The following COL5A1 variants were observed in gnomAD, a reference collection of about 807,000 sequenced individuals.
The protein encoded by COL5A1 is collagen type V alpha 1 chain.
In COL5A1, 16 loss-of-function variants were observed where a neutral mutation model predicts 263.7. That is an observed-to-expected ratio of 0.06 (90% confidence interval 0.04 to 0.09). The LOEUF (loss-of-function observed/expected upper bound fraction) is 0.09, where lower values mean the gene tolerates loss of function less well. COL5A1 is among the 10% of genes least tolerant of loss of function. The pLI is 1.00. For missense variants in COL5A1, 2,036 were observed against 2,540.5 expected (o/e 0.80, Z 4.27); for synonymous variants, 1,012 against 1,004.5 (o/e 1.01, Z -0.14).
Position 134,801,240 on chromosome 9 carries a change from C to T in COL5A1, c.2953-714C>T, listed in dbSNP as rs188401207. Among the ~76,000 whole-genome samples, 441 of 152,368 alleles carry T rather than the reference C, an allele frequency of 2.9e-3. 4 individuals carry two copies. Among genetic ancestry groups the T allele is most frequent in the Middle Eastern group, 0.017 (5 of 294 alleles). On this transcript the variant is annotated intron_variant, in intron 37 of 65. Coordinates refer to ENST00000371817, the MANE Select transcript of COL5A1 (RefSeq NM_000093.5). ...GAAAGCAGCTGGCCCTCGCTCTTGC[C>T]TGTTTTAAATACATGCTGAGGAGCA...
intron 63 of COL5A1, among the ~76,000 whole-genome samples, chr9:134,828,901 CACACAGCAT>C (rs1187853325): frequency 6.1e-5 from 9 of 147,968 alleles, no homozygotes; most frequent in Non-Finnish European, 1.5e-5. Context: ...TTATACCACA[CACACAGCAT>C]ACACAGATAC....
chr9:134,746,859 G>A (rs966316922), intron 11 of COL5A1, among the ~76,000 whole-genome samples: 1 of 152,242 alleles, frequency 6.6e-6, no homozygotes, highest in Non-Finnish European at 1.5e-5. Context: ...CCTGTGTGTG[G>A]GCCTGCTGGA....
rs531014737 is a variant in COL5A1 at position 134,836,452 on chromosome 9, A to G, written c.5370+1248A>G. On this transcript the variant is annotated intron_variant, in intron 65 of 65. Transcript: ENST00000371817. ...AACACTGGGACCACATTTCAACCTG[A>G]GATTTGGAAGGGATGAAGGTCCAAG... Among the ~76,000 whole-genome samples, 28 of 152,204 alleles carry G rather than the reference A, an allele frequency of 1.8e-4. No individual in the cohort carries two copies. The South Asian group carries it at 5.8e-3, about 32-fold the overall frequency.
rs191425090 is a variant in COL5A1, at chr9:134,724,715, C to T, written c.655-2551C>T. Among the ~76,000 whole-genome samples the T allele has an allele frequency of 3.4e-3, 522 of 152,308 alleles. 3 individuals are homozygous for T. The highest frequency in any genetic ancestry group is 6.8e-3 in the Middle Eastern group (2 of 294). ...ACTCGCCAGGGTCAGAAGTACACAG[C>T]GCAAAGCCACGTCACAGCCACCGCG... is the stretch of plus-strand genomic sequence containing the variant. On this transcript the variant is annotated intron_variant, in intron 4 of 65. Transcript: ENST00000371817.
intron 42 of COL5A1, among the ~76,000 whole-genome samples, chr9:134,808,777 C>T (rs571408036): frequency 1.3e-5 from 2 of 152,238 alleles, no homozygotes; most frequent in Non-Finnish European, 2.9e-5. Context: ...TGTAAAGAAT[C>T]AGAAAGCTGG....
At chr9:134,732,455 C>T (rs375585146) in intron 9 of COL5A1, 24 of 503,742 alleles carry the variant, frequency 4.8e-5, no homozygotes, top group East Asian at 3.6e-4. Context: ...GAGGCGGAGG[C>T]GGAGTCCCCT....
chr9:134,813,880 G>C (rs1838635801), intron 48 of COL5A1, 103 bp from the exon 49 acceptor site: 13 of 1,320,252 alleles, frequency 9.8e-6, no homozygotes, highest in African/African-American at 2.9e-5. Flanking sequence ...GGGTGCCCAG[G>C]GGCAGGCAGA....
At position 134,749,651 on chromosome 9, in the gene COL5A1, C is replaced by G. The variant is rs548793535; in HGVS notation, c.1495-891C>G. Among the ~76,000 whole-genome samples the G allele has an allele frequency of 3.3e-5, 5 of 152,268 alleles. No homozygotes were observed. The South Asian group carries it at 1.0e-3, about 32-fold the overall frequency. On this transcript the variant is annotated intron_variant, in intron 11 of 65. Transcript: ENST00000371817. ...ATGCTCAGTGTAGCTGTTGCTGATT[C>G]GGAAGACTGCAGCCAGCACCCATCC... is the stretch of plus-strand genomic sequence containing the variant.
chr9:134,800,034 A>G (rs760137811), intron 37 of COL5A1, among the ~76,000 whole-genome samples: 3 of 152,168 alleles, frequency 2.0e-5, no homozygotes, highest in South Asian at 4.1e-4. Context: ...CATCTCCTCC[A>G]TGGGCTAGTC....
rs1052757259 is a variant in COL5A1 at position 134,682,848 on chromosome 9, G to C, written c.110-8064G>C. Among the ~76,000 whole-genome samples the C allele has an allele frequency of 6.6e-6, 1 of 152,174 alleles. No homozygotes were observed. Among genetic ancestry groups the C allele is most frequent in the Non-Finnish European group, 1.5e-5 (1 of 68,014 alleles). ...TCGCAAATGCCCAGCCTTTGGGAGC[G>C]GGGACTGCGGCCAGCACATCATCCG... is the stretch of plus-strand genomic sequence containing the variant. On this transcript the variant is annotated intron_variant, in intron 1 of 65. Transcript: ENST00000371817. The surrounding 1 kb of genome is among the most constrained non-coding windows in gnomAD (Gnocchi z 5.1).
intron 11 of COL5A1, among the ~76,000 whole-genome samples, chr9:134,749,232 C>T (rs1835686507): frequency 6.6e-6 from 1 of 152,130 alleles, no homozygotes; most frequent in Admixed American, 6.5e-5. Flanking sequence ...GAGACTCTGT[C>T]TCAAAACAAA....
intron 25 of COL5A1, among the ~76,000 whole-genome samples, chr9:134,770,066 T>C (rs1836821486): frequency 1.3e-5 from 2 of 152,292 alleles, no homozygotes; most frequent in Middle Eastern, 3.4e-3. Flanking sequence ...AATGTGAGCG[T>C]AGGTGGACCC....
intron 13 of COL5A1, among the ~76,000 whole-genome samples, chr9:134,752,330 A>C (rs1835810598): frequency 6.6e-6 from 1 of 151,644 alleles, no homozygotes; most frequent in Non-Finnish European, 1.5e-5. Context: ...GATGGGGCCT[A>C]TCCCCCAAGG....
chr9:134,752,013 A>G (rs1294697409), intron 13 of COL5A1, among the ~76,000 whole-genome samples: 4 of 152,230 alleles, frequency 2.6e-5, no homozygotes, highest in African/African-American at 7.2e-5. Context: ...GGCATCTGCC[A>G]GGGAAACAGA....
chr9:134,815,550 G>A (rs1456715138), intron 50 of COL5A1, 26 bp from the exon 51 acceptor site: 2 of 1,610,760 alleles, frequency 1.2e-6, no homozygotes, highest in East Asian at 2.2e-5. Flanking sequence ...GATGGCCTTG[G>A]CTGCTTCCTT....
At chr9:134,685,091 C>T (rs1832979189) in intron 1 of COL5A1, among the ~76,000 whole-genome samples, 2 of 147,644 alleles carry the variant, frequency 1.4e-5, no homozygotes, top group East Asian at 2.1e-4. Context: ...CACCCACCAT[C>T]CATCCATCCA....
chr9:134,817,026 G>A lies in COL5A1; in HGVS notation c.4123G>A (p.Gly1375Arg). ...KGDDGEPGQT[G>R]SPGPTGEPGP... ...ACTCTGTTCTTTCTCCCAATACCAG[G>A]GATCCCCCGGCCCTACTGGTGAACC... The change falls in exon 53 of 66, where the codon GGA (glycine) becomes AGA (arginine). Residue 1375 changes from glycine to arginine, a missense_variant and splice_region_variant. Coordinates refer to ENST00000371817, the MANE Select transcript of COL5A1 (RefSeq NM_000093.5). 6.2e-7 allele frequency: 1 copy of A among 1,613,838 alleles called. No individual in the cohort carries two copies. The highest frequency in any genetic ancestry group is 8.5e-7 in the Non-Finnish European group (1 of 1,179,754).
chr9:134,840,619 A>C (rs775535217), intron 65 of COL5A1, among the ~76,000 whole-genome samples: 5 of 152,198 alleles, frequency 3.3e-5, no homozygotes, highest in Non-Finnish European at 5.9e-5. Flanking sequence ...TCTTAGGTCC[A>C]TTCGCTGCCA....
intron 11 of COL5A1, among the ~76,000 whole-genome samples, chr9:134,744,286 C>G (rs995932195): frequency 6.6e-6 from 1 of 152,162 alleles, no homozygotes; most frequent in African/African-American, 2.4e-5. Context: ...CACACGCTTG[C>G]ACACTCACCC....
Sources: allele counts gnomAD v4.1 joint callset (sites outside exome capture counted in the v4.1 genomes callset), GRCh38; gene constraint gnomAD v4.1.1; non-coding constraint Gnocchi (gnomAD v3.1); transcripts MANE v1.5; gene names NCBI Gene and HGNC (gene_info 2026-07-23, HGNC 2026-07-21).